ARHGEF4: variants seen among roughly 807,000 people sequenced by gnomAD.
ARHGEF4 encodes APC-stimulated guanine nucleotide exchange factor 1.
In ARHGEF4, 119 loss-of-function variants were observed where a neutral mutation model predicts 162.0. The observed-to-expected ratio is 0.73, with a 90% CI of 0.63 to 0.86. The LOEUF (loss-of-function observed/expected upper bound fraction) is 0.86, where lower values mean the gene tolerates loss of function less well. ARHGEF4 is among the 40% of genes least tolerant of loss of function. ARHGEF4 has a pLI of 0.00. For synonymous variants in ARHGEF4, 1,014 were observed against 979.9 expected (o/e 1.03, Z -0.65); for missense variants, 2,488 against 2,456.0 (o/e 1.01, Z -0.28).
At chr2:130,998,221 A>G (rs1167718398) in intron 4 of ARHGEF4, among the ~76,000 whole-genome samples, 1 of 152,210 alleles carries the variant, frequency 6.6e-6, no homozygotes, top group African/African-American at 2.4e-5. Flanking sequence ...ATCATTGTTA[A>G]CATGAATGGA....
chr2:130,839,279 C>A (rs564956756), intron 1 of ARHGEF4, among the ~76,000 whole-genome samples: 1 of 152,290 alleles, frequency 6.6e-6, no homozygotes, highest in African/African-American at 2.4e-5. Context: ...TCAGTCACCG[C>A]CTGGTGCCTC....
chr2:130,880,165 C>T (rs573286605), intron 1 of ARHGEF4, among the ~76,000 whole-genome samples: 7 of 152,268 alleles, frequency 4.6e-5, no homozygotes, highest in Admixed American at 4.6e-4. Context: ...TCACAGCTGG[C>T]GGAGATCTGG....
At chr2:130,979,183 C>T (rs1223122077) in intron 4 of ARHGEF4, among the ~76,000 whole-genome samples, 6 of 152,092 alleles carry the variant, frequency 3.9e-5, no homozygotes, top group East Asian at 3.9e-4. Flanking sequence ...AACAATTTAA[C>T]GTGACAATCA....
At chr2:130,890,023 C>T (rs557007016) in intron 1 of ARHGEF4, among the ~76,000 whole-genome samples, 1 of 152,242 alleles carries the variant, frequency 6.6e-6, no homozygotes, top group African/African-American at 2.4e-5. Context: ...GATACCTCCA[C>T]ACCCTTCTTT....
At chr2:130,894,521 G>A (rs1443455135) in intron 1 of ARHGEF4, among the ~76,000 whole-genome samples, 2 of 152,202 alleles carry the variant, frequency 1.3e-5, no homozygotes, top group Non-Finnish European at 1.5e-5. Context: ...GCAGGCGAGG[G>A]TGTGGTCCTG....
At chr2:131,042,468 T>C (rs1056909312) in intron 10 of ARHGEF4, among the ~76,000 whole-genome samples, 1 of 144,856 alleles carries the variant, frequency 6.9e-6, no homozygotes, top group Non-Finnish European at 1.5e-5. Context: ...CCCACTTGCA[T>C]CTGCCAATCT....
At chr2:130,979,377 T>C (rs916643987) in intron 4 of ARHGEF4, among the ~76,000 whole-genome samples, 25 of 152,276 alleles carry the variant, frequency 1.6e-4, no homozygotes, top group Middle Eastern at 3.4e-3. Flanking sequence ...CAACCATGTC[T>C]CTCTTGAACT....
At chr2:131,033,703 G>A (rs1690026889) in intron 5 of ARHGEF4, among the ~76,000 whole-genome samples, 2 of 152,158 alleles carry the variant, frequency 1.3e-5, no homozygotes, top group Non-Finnish European at 2.9e-5. Context: ...GACAGCTTGG[G>A]GGAGCAAACC....
At chr2:130,960,667 T>C (rs979948746) in intron 4 of ARHGEF4, among the ~76,000 whole-genome samples, 8 of 152,154 alleles carry the variant, frequency 5.3e-5, no homozygotes, top group African/African-American at 1.9e-4. Context: ...CCCATCTCTT[T>C]TAATAGTATC....
At chr2:130,897,799 T>C (rs946376720) in intron 1 of ARHGEF4, among the ~76,000 whole-genome samples, 4 of 152,188 alleles carry the variant, frequency 2.6e-5, no homozygotes, top group Non-Finnish European at 5.9e-5. Context: ...GAAAAGTCTT[T>C]TCATTTTTCT....
At chr2:130,922,728 G>A (rs987855583) in intron 2 of ARHGEF4, among the ~76,000 whole-genome samples, 4 of 150,382 alleles carry the variant, frequency 2.7e-5, no homozygotes, top group African/African-American at 9.7e-5. Flanking sequence ...TTTTGGGTTT[G>A]GGCCTGATAA....
chr2:130,880,847 TA>T (rs1679142714), intron 1 of ARHGEF4, among the ~76,000 whole-genome samples: 1 of 150,540 alleles, frequency 6.6e-6, no homozygotes, highest in Non-Finnish European at 1.5e-5. Context: ...TTTTTTTTTT[TA>T]AATAATGGAA....
chr2:130,958,420 G>A (rs62178903), intron 4 of ARHGEF4, among the ~76,000 whole-genome samples: 6,332 of 150,434 alleles, frequency 0.042, 157 homozygotes, highest in Middle Eastern at 0.069. Flanking sequence ...CTGGGGAGGC[G>A]GTGGGAGGCA....
At chr2:131,039,072 TAAAAA>T in intron 6 of ARHGEF4, 40 bp downstream of exon 6, 1 of 1,561,980 alleles carries the variant, frequency 6.4e-7, no homozygotes, top group African/African-American at 1.4e-5. Context: ...GTTGGGCCCA[TAAAAA>T]GCTACCTGGT....
At chr2:130,910,974 A>G (rs1489443719) in intron 1 of ARHGEF4, among the ~76,000 whole-genome samples, 1 of 152,252 alleles carries the variant, frequency 6.6e-6, no homozygotes, top group Non-Finnish European at 1.5e-5. Flanking sequence ...ACATACTAAT[A>G]TTCTCTAAAA....
At chr2:131,007,334 T>A (rs1224107902) in intron 4 of ARHGEF4, among the ~76,000 whole-genome samples, 1 of 152,184 alleles carries the variant, frequency 6.6e-6, no homozygotes, top group Admixed American at 6.5e-5. Context: ...TCTCCTCTCC[T>A]CCATCATAGC....
intron 1 of ARHGEF4, among the ~76,000 whole-genome samples, chr2:130,898,107 G>C (rs542726515): frequency 3.3e-5 from 5 of 152,272 alleles, no homozygotes; most frequent in Admixed American, 3.3e-4. Context: ...TTTATATGTA[G>C]AGCAGTTGTT....
At chr2:130,944,675 C>T (rs539258438) in intron 3 of ARHGEF4, among the ~76,000 whole-genome samples, 1 of 152,174 alleles carries the variant, frequency 6.6e-6, no homozygotes, top group South Asian at 2.1e-4. Flanking sequence ...ACCCTTACTT[C>T]TTAGAGCATG....
In ARHGEF4 at chr2:131,041,439, C is replaced by T; in HGVS notation, c.4872C>T (p.Leu1624=). ...CKYPLQLAEL[L]KYTHPQHRDF... is the part of the protein sequence containing the mutation. ...ACCCTCTGCAGCTGGCCGAGCTGCT[C>T]AAATACACGCACCCCCAGCACAGGT... The change falls in exon 9 of 14, where the codon CTC becomes CTT. Residue 1624 remains leucine, a synonymous_variant. Coordinates refer to ENST00000409359, the MANE Select transcript of ARHGEF4 (RefSeq NM_001367493.1). The T allele has an allele frequency of 6.2e-7, 1 of 1,612,760 alleles. No individual in the cohort carries two copies. Among genetic ancestry groups the T allele is most frequent in the Non-Finnish European group, 8.5e-7 (1 of 1,179,908 alleles).
Sources: gnomAD v4.1 joint callset for allele counts (sites outside exome capture counted in the v4.1 genomes callset) on GRCh38, gnomAD v4.1.1 for gene constraint, MANE v1.5 for transcripts, NCBI Gene and HGNC (gene_info 2026-07-23, HGNC 2026-07-21) for gene names.